The following ZNF33B variants were observed in gnomAD, a reference collection of about 807,000 sequenced individuals.
The protein encoded by ZNF33B is zinc finger protein 33B.
In ZNF33B, 29 loss-of-function variants were observed where a neutral mutation model predicts 45.8. That is an observed-to-expected ratio of 0.63 (90% confidence interval 0.47 to 0.86). ZNF33B has a LOEUF of 0.86. Among genes scored for constraint, ZNF33B ranks in the 40% least tolerant of loss-of-function variants. ZNF33B has a pLI of 0.00. For missense variants in ZNF33B, 831 were observed against 909.9 expected (o/e 0.91, Z 1.12); for synonymous variants, 305 against 307.8 (o/e 0.99, Z 0.10).
chr10:42,577,132 C>CAAA (rs71014272), intron 1 of ZNF33B, among the ~76,000 whole-genome samples: 1,080 of 80,994 alleles, frequency 0.013, 44 homozygotes, highest in African/African-American at 0.048. Context: ...GACTCCATCT[C>CAAA]AAAAAAAAAA....
intron 1 of ZNF33B, among the ~76,000 whole-genome samples, chr10:42,577,977 T>G (rs1836772337): frequency 3.3e-5 from 5 of 152,052 alleles, no homozygotes; most frequent in Admixed American, 3.3e-4. Flanking sequence ...CTGGCCTAGG[T>G]GGAAGCAGGA....
In ZNF33B at chr10:42,595,519, C is replaced by T. The variant is rs1460737668; in HGVS notation, c.251-820G>A. 4.6e-5 allele frequency among the ~76,000 whole-genome samples: 7 copies of T among 152,066 alleles called. No homozygotes were observed. In the East Asian group the frequency reaches 9.6e-4, roughly 21 times the overall value. ...GGAATCTGTCATGGACTAAACTGTG[C>T]CCCCCAAAAATGTGTATGTTAAAAC... is the stretch of plus-strand genomic sequence containing the variant. On this transcript the variant is annotated intron_variant, in intron 4 of 4. Transcript: ENST00000359467.
At chr10:42,636,759 G>T in intron 2 of ZNF33B, 161 bp downstream of exon 2, 2 of 894,308 alleles carry the variant, frequency 2.2e-6, no homozygotes, top group Non-Finnish European at 3.4e-6. Flanking sequence ...GGCAGAGGTT[G>T]CAAGGTTGCA....
chr10:42,607,369 C>T (rs116229849), intron 4 of ZNF33B, among the ~76,000 whole-genome samples: 2,469 of 149,252 alleles, frequency 0.017, 75 homozygotes, highest in African/African-American at 0.058. Context: ...GAATGAGAGA[C>T]ACTGGAGACT....
chr10:42,602,452 T>G lies in ZNF33B; in HGVS notation c.251-7753A>C, dbSNP rs539888844. On this transcript the variant is annotated intron_variant, in intron 4 of 4. Transcript: ENST00000359467. The stretch of plus-strand genomic sequence containing the variant: ...GTCCATTTCAATTTCCTGGTTAGTC[T>G]CTTTGAGAAAGCTCATGTTTTCCCA... 2.0e-5 allele frequency among the ~76,000 whole-genome samples: 3 copies of G among 152,328 alleles called. No homozygotes were observed. The South Asian group carries it at 6.2e-4, about 32-fold the overall frequency.
chr10:42,613,997 A>C (rs1355387364), intron 4 of ZNF33B, among the ~76,000 whole-genome samples: 1 of 152,208 alleles, frequency 6.6e-6, no homozygotes, highest in Admixed American at 6.5e-5. Flanking sequence ...AAAATTCATA[A>C]ATCTCCACTT....
rs371481474 is a variant in ZNF33B, at chr10:42,624,791, A to G, written c.250+7138T>C. ...GTTGATTCATGTCCTGGAACAGGAC[A>G]GTGCAAAATTTCATCATGCTACTCA... On this transcript the variant is annotated intron_variant, in intron 4 of 4. Coordinates refer to ENST00000359467, the MANE Select transcript of ZNF33B (RefSeq NM_006955.3). Among the ~76,000 whole-genome samples, 35 of 152,312 alleles carry G rather than the reference A, an allele frequency of 2.3e-4. 1 individual carries two copies. Among genetic ancestry groups the G allele is most frequent in the African/African-American group, 8.4e-4 (35 of 41,576 alleles).
At position 42,591,117 on chromosome 10, in the gene ZNF33B, T is replaced by C. The variant is rs1589018715; in HGVS notation, c.*1496A>G. 9.6e-6 allele frequency: 3 copies of C among 312,598 alleles called. No homozygotes were observed. The highest frequency in any genetic ancestry group is 1.4e-5 in the Non-Finnish European group (3 of 214,972). 19.4% of individuals were successfully genotyped at this position (312,598 alleles called of 1,614,324 possible). ...CATGCCAGCTTGATTCTGGCTCTTC[T>C]CCAGCCTCAACCCTCCTCTTCATAT... On this transcript the variant is annotated 3_prime_UTR_variant, in exon 5 of 5. Transcript: ENST00000359467.
chr10:42,578,352 G>A (rs147393472), intron 1 of ZNF33B: 1 of 152,636 alleles, frequency 6.6e-6, no homozygotes, highest in East Asian at 1.9e-4. Context: ...TCTGGACAGT[G>A]GCATACACCC....
chr10:42,614,003 C>T (rs1435967533), intron 4 of ZNF33B, among the ~76,000 whole-genome samples: 1 of 152,198 alleles, frequency 6.6e-6, no homozygotes, highest in African/African-American at 2.4e-5. Flanking sequence ...CATAAATCTC[C>T]ACTTCTTACG....
intron 4 of ZNF33B, among the ~76,000 whole-genome samples, chr10:42,607,887 G>A (rs940700245): frequency 6.6e-6 from 1 of 152,080 alleles, no homozygotes; most frequent in Non-Finnish European, 1.5e-5. Context: ...CAGGAAAAAG[G>A]GAATGATTTG....
chr10:42,606,126 G>C (rs1837837127), intron 4 of ZNF33B, among the ~76,000 whole-genome samples: 1 of 140,628 alleles, frequency 7.1e-6, no homozygotes, highest in Admixed American at 7.1e-5. Context: ...GATAAACAAG[G>C]AAACAAATAA....
intron 1 of ZNF33B, among the ~76,000 whole-genome samples, chr10:42,638,108 C>T (rs1185638654): frequency 6.6e-6 from 1 of 152,230 alleles, no homozygotes; most frequent in Admixed American, 6.5e-5. Context: ...GTATGTCGGG[C>T]GGGCGACTGC....
chr10:42,597,284 G>T (rs1012271957), intron 4 of ZNF33B, among the ~76,000 whole-genome samples: 5 of 151,952 alleles, frequency 3.3e-5, no homozygotes, highest in South Asian at 2.1e-4. Flanking sequence ...TGTATAAAAA[G>T]AAGTATAGTA....
Position 42,612,888 on chromosome 10 carries a change from T to A in ZNF33B, c.251-18189A>T, listed in dbSNP as rs150756759. On this transcript the variant is annotated intron_variant, in intron 4 of 4. Transcript: ENST00000359467. ...GCTTTATGGATTCAATTTATTTAAC[T>A]GATATTGGTCCATTTGAATGGTTTA... 5.9e-3 allele frequency among the ~76,000 whole-genome samples: 902 copies of A among 152,314 alleles called. 14 individuals carry two copies. Among genetic ancestry groups the A allele is most frequent in the African/African-American group, 0.021 (865 of 41,560 alleles).
At chr10:42,574,766 TAGA>T (rs1032148186) in intron 1 of ZNF33B, 1 of 152,158 alleles carries the variant, frequency 6.6e-6, no homozygotes, top group African/African-American at 2.4e-5. Context: ...TTTAGGAACC[TAGA>T]AGGGGTACAG....
intron 4 of ZNF33B, among the ~76,000 whole-genome samples, chr10:42,597,897 TGTACAA>T (rs1222947218): frequency 6.6e-6 from 1 of 152,182 alleles, no homozygotes; most frequent in Non-Finnish European, 1.5e-5. Context: ...TCCTACATCT[TGTACAA>T]GAAACCAAAA....
In ZNF33B at chr10:42,632,332, A is replaced by G; in HGVS notation, c.117T>C (p.Asp39=). ...LDPSQRALYR[D]VMLENYSNLV... ...GGTTGCTGTAGTTCTCCAGCATCAC[A>G]TCTCTATACAGAGCCCTCTGACTAG... Residue 39 remains aspartate (D), a synonymous_variant, in exon 3 of 5, where the codon GAT becomes GAC. Transcript: ENST00000359467. 1 of 1,608,538 alleles carries G rather than the reference A, an allele frequency of 6.2e-7. No homozygotes were observed. The highest frequency in any genetic ancestry group is 1.7e-5 in the Admixed American group (1 of 58,216).
chr10:42,591,580 T>C lies in ZNF33B; in HGVS notation c.*1033A>G, dbSNP rs893668083. 7.4e-6 allele frequency: 4 copies of C among 538,226 alleles called. No homozygotes were observed. The highest frequency in any genetic ancestry group is 6.1e-5 in the African/African-American group (3 of 48,842). The allele number at this position is 538,226 out of a possible 1,614,324, so 33.3% of individuals were successfully genotyped here. On this transcript the variant is annotated 3_prime_UTR_variant, in exon 5 of 5. Coordinates refer to ENST00000359467, the MANE Select transcript of ZNF33B (RefSeq NM_006955.3). ...ACTAAATTAGGATACCTACTTCCTA[T>C]TCACAATTACGTTAAATACCATTAT...
Sources: gnomAD v4.1 joint callset for allele counts (sites outside exome capture counted in the v4.1 genomes callset) on GRCh38, gnomAD v4.1.1 for gene constraint, MANE v1.5 for transcripts, NCBI Gene and HGNC (gene_info 2026-07-23, HGNC 2026-07-21) for gene names.